INTU: variants seen among roughly 807,000 people sequenced by gnomAD.
The protein encoded by INTU is inturned planar cell polarity protein, also known as protein inturned.
Under a neutral mutation model 100.5 loss-of-function variants are expected in INTU, and 68 were observed. That is an observed-to-expected ratio of 0.68 (90% CI 0.56 to 0.83). The LOEUF (loss-of-function observed/expected upper bound fraction) is 0.83. INTU is among the 40% of genes least tolerant of loss of function. The pLI, the probability that INTU is intolerant of heterozygous loss-of-function variation, is 0.00. For synonymous variants in INTU, 357 were observed against 395.7 expected (o/e 0.90, Z 1.16); for missense variants, 1,071 against 1,114.7 (o/e 0.96, Z 0.56).
intron 1 of INTU, among the ~76,000 whole-genome samples, chr4:127,640,795 A>G (rs1727298292): frequency 6.6e-6 from 1 of 151,742 alleles, no homozygotes; most frequent in African/African-American, 2.4e-5. Flanking sequence ...TACATATATA[A>G]TGATTCCACT....
Position 127,674,158 on chromosome 4 carries a change from G to A in INTU, c.1126G>A (p.Val376Met). The change falls in exon 6 of 16, where the codon GTG becomes ATG. Residue 376 changes from valine (V) to methionine (M), a missense_variant. Coordinates refer to ENST00000335251, the MANE Select transcript of INTU (RefSeq NM_015693.4). ...SLLLNGKQIH[V>M]AYWKESDKLL... ...CCTTTTAAATGGAAAACAAATTCAT[G>A]TGGCTTATTGGAAAGAATCTGACAA... The A allele has an allele frequency of 6.2e-7, 1 of 1,611,642 alleles. No individual in the cohort carries two copies. The highest frequency in any genetic ancestry group is 8.5e-7 in the Non-Finnish European group (1 of 1,178,922).
chr4:127,684,265 C>A (rs766216922), intron 6 of INTU, 144 bp from the exon 7 acceptor site: 1 of 549,542 alleles, frequency 1.8e-6, no homozygotes, highest in South Asian at 2.5e-5. Context: ...TCATTGAAAG[C>A]GACCATTTTG....
In INTU at chr4:127,674,205, T is replaced by C; in HGVS notation, c.1173T>C (p.Pro391=). The C allele has an allele frequency of 6.2e-7, 1 of 1,608,868 alleles. No individual in the cohort carries two copies. The highest frequency in any genetic ancestry group is 8.5e-7 in the Non-Finnish European group (1 of 1,177,082). ...ACAAGTTGTTGCTAATTGGCCTGCC[T>C]GCTGAAGAGTAAGTTGAGGTTTTGC... is the stretch of plus-strand genomic sequence containing the variant. ...ESDKLLLIGL[P]AEEVPLPRLR... The change falls in exon 6 of 16, where the codon CCT becomes CCC. Residue 391 remains proline, a synonymous_variant. Transcript: ENST00000335251.
intron 2 of INTU, among the ~76,000 whole-genome samples, chr4:127,655,642 C>T (rs1433892223): frequency 1.3e-5 from 2 of 150,998 alleles, no homozygotes; most frequent in African/African-American, 4.9e-5. Context: ...CAGACAGGGA[C>T]ATTTAAGTCT....
chr4:127,697,251 A>G (rs1040721933), intron 8 of INTU, among the ~76,000 whole-genome samples: 43 of 152,156 alleles, frequency 2.8e-4, no homozygotes, highest in African/African-American at 1.0e-3. Flanking sequence ...TCACCATCTA[A>G]TAAAGAAATT....
In INTU at chr4:127,633,288, G is replaced by A. The variant is rs547427317; in HGVS notation, c.146+108G>A. On this transcript the variant is annotated intron_variant, in intron 1 of 15. Coordinates refer to ENST00000335251, the MANE Select transcript of INTU (RefSeq NM_015693.4). Reference sequence around the variant, plus strand: ...TTGGCGTGGTTGGAATCGAGTATTTGGGGTTCTATAATAAGTGGGATTTAA... The same window carrying A: ...TTGGCGTGGTTGGAATCGAGTATTTAGGGTTCTATAATAAGTGGGATTTAA... 9.6e-5 allele frequency: 112 copies of A among 1,171,950 alleles called. No individual in the cohort carries two copies. The East Asian group carries it at 1.9e-3, about 20-fold the overall frequency. 72.6% of individuals were successfully genotyped at this position (1,171,950 alleles called of 1,614,324 possible).
intron 2 of INTU, among the ~76,000 whole-genome samples, chr4:127,654,702 T>C (rs969465995): frequency 3.4e-5 from 5 of 148,106 alleles, no homozygotes; most frequent in Admixed American, 6.8e-5. Flanking sequence ...TTATGTGTCT[T>C]GGAGTTGCTC....
In INTU at chr4:127,708,620, T is replaced by C. The variant is rs1730981103; in HGVS notation, c.2321T>C (p.Leu774Ser). The C allele has an allele frequency of 1.9e-6, 3 of 1,599,366 alleles. No individual in the cohort carries two copies. The highest frequency in any genetic ancestry group is 1.3e-5 in the African/African-American group (1 of 74,426). ...TLPNPFHLGN[L>S]KKDLPEKELE... ...CCAAATCCATTTCATTTGGGAAACT[T>C]GAAAAAGGACCTTCCAGAAAAAGAA... The change falls in exon 13 of 16, where the codon TTG becomes TCG. Residue 774 changes from leucine (L) to serine (S), a missense_variant. Leu to Ser is a moderately radical substitution (Grantham distance 145). Coordinates refer to ENST00000335251, the MANE Select transcript of INTU (RefSeq NM_015693.4).
intron 8 of INTU, among the ~76,000 whole-genome samples, chr4:127,690,722 G>A (rs1300069201): frequency 6.6e-6 from 1 of 152,046 alleles, no homozygotes; most frequent in Non-Finnish European, 1.5e-5. Context: ...GTAAAATTGA[G>A]AGAAAGGTAC....
intron 3 of INTU, among the ~76,000 whole-genome samples, chr4:127,657,621 G>T (rs1578555236): frequency 6.6e-6 from 1 of 151,992 alleles, no homozygotes; most frequent in East Asian, 1.9e-4. Flanking sequence ...TTAGATCAGG[G>T]GTGGCATTAG....
At chr4:127,714,256 C>T (rs573444306) in intron 15 of INTU, among the ~76,000 whole-genome samples, 163 bp downstream of exon 15, 1 of 152,220 alleles carries the variant, frequency 6.6e-6, no homozygotes, top group South Asian at 2.1e-4. Context: ...TAAATCCCTC[C>T]CAAGTATTTT....
At chr4:127,655,964 C>G (rs910729956) in intron 2 of INTU, among the ~76,000 whole-genome samples, 1 of 152,188 alleles carries the variant, frequency 6.6e-6, no homozygotes, top group Admixed American at 6.5e-5. Flanking sequence ...GCGCAATATT[C>G]GGGTGGGAGT....
chr4:127,651,475 A>G (rs1727872622), intron 2 of INTU, among the ~76,000 whole-genome samples: 1 of 152,216 alleles, frequency 6.6e-6, no homozygotes, highest in Non-Finnish European at 1.5e-5. Flanking sequence ...TTAAATAGGG[A>G]ATCCTTTCCC....
intron 13 of INTU, among the ~76,000 whole-genome samples, chr4:127,709,753 G>C (rs1220279419): frequency 1.7e-5 from 2 of 115,600 alleles, no homozygotes; most frequent in Non-Finnish European, 3.8e-5. Context: ...ACAGTACAGA[G>C]CTACCACATT....
At chr4:127,688,360 C>T (rs1041999469) in intron 8 of INTU, among the ~76,000 whole-genome samples, 4 of 152,082 alleles carry the variant, frequency 2.6e-5, no homozygotes, top group East Asian at 1.9e-4. Flanking sequence ...AACTGTATGA[C>T]GGTTAAGAAT....
At chr4:127,644,582 C>G (rs553058756) in intron 2 of INTU, among the ~76,000 whole-genome samples, 2 of 152,072 alleles carry the variant, frequency 1.3e-5, no homozygotes, top group Admixed American at 1.3e-4. Flanking sequence ...TAAAATATAT[C>G]TGTCATAAAA....
At chr4:127,708,164 A>T (rs1256847405) in intron 12 of INTU, among the ~76,000 whole-genome samples, 1 of 152,224 alleles carries the variant, frequency 6.6e-6, no homozygotes, top group Non-Finnish European at 1.5e-5. Context: ...CCTAAGAGAA[A>T]TTGAGTTAAC....
At chr4:127,654,366 G>A (rs1176421466) in intron 2 of INTU, among the ~76,000 whole-genome samples, 1 of 152,198 alleles carries the variant, frequency 6.6e-6, no homozygotes, top group African/African-American at 2.4e-5. Context: ...GGTACCGGTT[G>A]TTCCTTTCCA....
intron 2 of INTU, among the ~76,000 whole-genome samples, chr4:127,645,333 T>C (rs1376464348): frequency 2.0e-5 from 3 of 152,100 alleles, no homozygotes; most frequent in Non-Finnish European, 4.4e-5. Context: ...CAGTCACCAT[T>C]GTGTGAAGAG....
Sources: allele counts gnomAD v4.1 joint callset (sites outside exome capture counted in the v4.1 genomes callset), GRCh38; gene constraint gnomAD v4.1.1; transcripts MANE v1.5; gene names NCBI Gene and HGNC (gene_info 2026-07-23, HGNC 2026-07-21).